Variants in FMNL2 observed in about 807,000 individuals in gnomAD.
FMNL2 encodes formin like 2, also known as formin-like protein 2.
Under a neutral mutation model 130.2 loss-of-function variants are expected in FMNL2, and 51 were observed. That is an observed-to-expected ratio of 0.39 (90% CI 0.31 to 0.49). The LOEUF (loss-of-function observed/expected upper bound fraction) is 0.49. Ranked by LOEUF, FMNL2 falls within the 20% of genes least tolerant of loss-of-function variation. The pLI, the probability that FMNL2 is intolerant of heterozygous loss-of-function variation, is 0.85. For synonymous variants in FMNL2, 465 were observed against 467.1 expected (o/e 1.00, Z 0.06); for missense variants, 977 against 1,316.2 (o/e 0.74, Z 3.99).
intron 1 of FMNL2, among the ~76,000 whole-genome samples, chr2:152,500,797 C>T (rs1237948203): frequency 1.3e-5 from 2 of 152,076 alleles, no homozygotes; most frequent in Non-Finnish European, 2.9e-5. Context: ...TTGCAGTGAG[C>T]CGAGATCACA....
intron 2 of FMNL2, among the ~76,000 whole-genome samples, chr2:152,533,650 ACCTTC>A (rs1212846156): frequency 6.6e-6 from 1 of 150,950 alleles, no homozygotes; most frequent in African/African-American, 2.4e-5. Flanking sequence ...AGAAAAAAAA[ACCTTC>A]CAGGAGTTTG....
chr2:152,442,451 G>T (rs1269909939), intron 1 of FMNL2, among the ~76,000 whole-genome samples: 1 of 151,874 alleles, frequency 6.6e-6, no homozygotes, highest in African/African-American at 2.4e-5. Context: ...GTTTCACCAT[G>T]TTGTCCAGGC....
chr2:152,558,044 A>G (rs1265839502), intron 4 of FMNL2, among the ~76,000 whole-genome samples: 2 of 152,238 alleles, frequency 1.3e-5, no homozygotes, highest in Non-Finnish European at 2.9e-5. Context: ...ATAAGAATGT[A>G]TAAGCATTCT....
intron 1 of FMNL2, among the ~76,000 whole-genome samples, chr2:152,454,006 C>A (rs1203517095): frequency 6.6e-6 from 1 of 152,196 alleles, no homozygotes; most frequent in Non-Finnish European, 1.5e-5. Context: ...GGCGCAGTAG[C>A]TCACGCCTAT....
In FMNL2 at chr2:152,619,621, G is replaced by A; in HGVS notation, c.1740G>A (p.Glu580=). 7.1e-7 allele frequency: 1 copy of A among 1,411,488 alleles called. No individual in the cohort carries two copies. Among genetic ancestry groups the A allele is most frequent in the Non-Finnish European group, 9.4e-7 (1 of 1,059,194 alleles). The allele number at this position is 1,411,488 out of a possible 1,614,324, so 87.4% of individuals were successfully genotyped here. The change falls in exon 15 of 26, where the codon GAG becomes GAA. Residue 580 remains glutamate (E), a synonymous_variant. Coordinates refer to ENST00000288670, the MANE Select transcript of FMNL2 (RefSeq NM_052905.4). The stretch of plus-strand genomic sequence containing the variant: ...CTCCTCTCCCAGGCCCTGCAGCTGA[G>A]ACTGTACCAGCTCCTCCCTTAGCAC... ...PPPPLPGPAA[E]TVPAPPLAPP... is the part of the protein sequence containing the mutation.
intron 1 of FMNL2, among the ~76,000 whole-genome samples, chr2:152,376,672 G>A (rs995734311): frequency 6.6e-6 from 1 of 152,210 alleles, no homozygotes; most frequent in African/African-American, 2.4e-5. Flanking sequence ...CAGTGGTGAG[G>A]ATTAATTAGT....
Position 152,335,635 on chromosome 2 carries a change from A to G in FMNL2, c.32A>G (p.Gln11Arg). Residue 11 changes from glutamine (Q) to arginine (R), a missense_variant, in exon 1 of 26, where the codon CAG becomes CGG. Transcript: ENST00000288670. MGNAGSMDSQ[Q>R]TDFRAHNVPL... is the part of the protein sequence containing the mutation. ...AACGCAGGGAGCATGGATTCGCAGC[A>G]GACCGATTTCAGGGCGCACAACGTG... The G allele has an allele frequency of 6.3e-7, 1 of 1,593,438 alleles. No individual in the cohort carries two copies. The highest frequency in any genetic ancestry group is 8.5e-7 in the Non-Finnish European group (1 of 1,169,846).
At chr2:152,625,395 G>A in intron 15 of FMNL2, 43 bp from the exon 16 acceptor site, 1 of 1,580,514 alleles carries the variant, frequency 6.3e-7, no homozygotes, top group South Asian at 1.1e-5. Context: ...AGGGTCGTAG[G>A]CTTTTGGTGG....
intron 10 of FMNL2, among the ~76,000 whole-genome samples, chr2:152,610,068 C>A (rs905096132): frequency 7.2e-5 from 11 of 152,054 alleles, no homozygotes; most frequent in African/African-American, 2.7e-4. Context: ...AAATCCCAGG[C>A]TTTTAGGGAA....
chr2:152,568,854 A>G (rs540452667), intron 6 of FMNL2, among the ~76,000 whole-genome samples: 4 of 152,148 alleles, frequency 2.6e-5, no homozygotes, highest in Non-Finnish European at 5.9e-5. Context: ...CTACAGTTCA[A>G]AGTGTGATTT....
At chr2:152,600,076 T>C (rs1299361862) in intron 9 of FMNL2, among the ~76,000 whole-genome samples, 2 of 152,276 alleles carry the variant, frequency 1.3e-5, no homozygotes, top group East Asian at 3.9e-4. Flanking sequence ...ACTCAGTAGA[T>C]GGTAAAAGAT....
At chr2:152,453,178 G>A (rs112498992) in intron 1 of FMNL2, among the ~76,000 whole-genome samples, 2,890 of 150,322 alleles carry the variant, frequency 0.019, 103 homozygotes, top group African/African-American at 0.068. Flanking sequence ...CTCCAGCCAG[G>A]GTGACAGAGC....
Position 152,514,148 on chromosome 2 carries a change from G to A in FMNL2, c.118-7795G>A, listed in dbSNP as rs1000148373. On this transcript the variant is annotated intron_variant, in intron 1 of 25. Coordinates refer to ENST00000288670, the MANE Select transcript of FMNL2 (RefSeq NM_052905.4). ...CTCAGGAGAATTGGTACATTACTCA[G>A]TTCCAAGTGACTTAATTTGATGTCC... Among the ~76,000 whole-genome samples, 9 of 152,248 alleles carry A rather than the reference G, an allele frequency of 5.9e-5. No individual in the cohort carries two copies. The South Asian group carries it at 1.7e-3, about 28-fold the overall frequency.
At chr2:152,531,545 G>C (rs1693696770) in intron 2 of FMNL2, among the ~76,000 whole-genome samples, 1 of 151,968 alleles carries the variant, frequency 6.6e-6, no homozygotes, top group Non-Finnish European at 1.5e-5. Context: ...CACGATGTCG[G>C]ATCATTGCAA....
In FMNL2 at chr2:152,632,131, G is replaced by C. The variant is rs367979136; in HGVS notation, c.2674G>C (p.Ala892Pro). 46 of 1,609,610 alleles carry C rather than the reference G, an allele frequency of 2.9e-5. No homozygotes were observed. Among genetic ancestry groups the C allele is most frequent in the African/African-American group, 6.7e-5 (5 of 74,782 alleles). The part of the protein sequence containing the change: ...YNELHYVEKA[A>P]AVSLENVLLD... ...TGAGCTTCATTATGTGGAAAAAGCT[G>C]CTGCAGGTACTTGATTTCAGCTATT... The change falls in exon 21 of 26, where the codon GCT becomes CCT. Residue 892 changes from alanine to proline, a missense_variant. Transcript: ENST00000288670.
intron 1 of FMNL2, among the ~76,000 whole-genome samples, chr2:152,422,476 T>C (rs1686972573): frequency 1.3e-5 from 2 of 152,208 alleles, no homozygotes; most frequent in South Asian, 4.1e-4. Flanking sequence ...ATACTTTAAA[T>C]GCCATAAAAT....
intron 2 of FMNL2, among the ~76,000 whole-genome samples, chr2:152,540,534 T>C (rs1694251693): frequency 6.6e-6 from 1 of 151,806 alleles, no homozygotes; most frequent in Non-Finnish European, 1.5e-5. Flanking sequence ...AAAGGGAAAA[T>C]ATTAATAGGT....
At chr2:152,568,976 C>G (rs181254789) in intron 6 of FMNL2, among the ~76,000 whole-genome samples, 129 of 152,148 alleles carry the variant, frequency 8.5e-4, no homozygotes, top group Non-Finnish European at 1.4e-3. Flanking sequence ...CTCCTCTACT[C>G]CAAGAATTTT....
At position 152,648,275 on chromosome 2, in the gene FMNL2, C is replaced by CT. The variant is rs1470273278; in HGVS notation, c.*371dup. 5.5e-6 allele frequency: 1 copy of CT among 182,638 alleles called. No homozygotes were observed. Among genetic ancestry groups the CT allele is most frequent in the Non-Finnish European group, 1.1e-5 (1 of 87,512 alleles). The allele number at this position is 182,638 out of a possible 1,614,324, so 11.3% of individuals were successfully genotyped here. Reference sequence around the variant, plus strand: ...GTTGTAAATAACATCAATGCATCTGCTGTGGGTCCTTTGCTGAGATGTCTT... The same window carrying CT: ...GTTGTAAATAACATCAATGCATCTGCTTGTGGGTCCTTTGCTGAGATGTCTT... On this transcript the variant is annotated 3_prime_UTR_variant, in exon 26 of 26. Transcript: ENST00000288670.
Sources: allele counts gnomAD v4.1 joint callset (sites outside exome capture counted in the v4.1 genomes callset), GRCh38; gene constraint gnomAD v4.1.1; transcripts MANE v1.5; gene names NCBI Gene and HGNC (gene_info 2026-07-23, HGNC 2026-07-21).